PCDHA7: variants seen among roughly 807,000 people sequenced by gnomAD.
PCDHA7 encodes the protein protocadherin alpha 7.
Under a neutral mutation model 57.2 loss-of-function variants are expected in PCDHA7, and 37 were observed. The observed-to-expected ratio is 0.65, with a 90% CI of 0.50 to 0.85. PCDHA7 has a LOEUF of 0.85. PCDHA7 is among the 40% of genes least tolerant of loss of function. The pLI is 0.00. For missense variants in PCDHA7, 1,188 were observed against 1,241.8 expected, an observed-to-expected ratio of 0.96 and a Z score of 0.65; for synonymous variants, 553 against 558.8, an observed-to-expected ratio of 0.99 and a Z score of 0.15.
At chr5:140,980,852 T>G (rs1233523507) in intron 2 of PCDHA7, among the ~76,000 whole-genome samples, 5 of 152,184 alleles carry the variant, frequency 3.3e-5, no homozygotes, top group African/African-American at 1.2e-4. Flanking sequence ...TACTAATCTT[T>G]TTCGTATGTG....
intron 1 of PCDHA7, chr5:140,855,960 T>A (rs933070909): frequency 4.3e-6 from 6 of 1,398,506 alleles, no homozygotes; most frequent in East Asian, 2.3e-5. Flanking sequence ...CGATAAAAAA[T>A]AGATATAAGA....
At chr5:140,846,948 CA>C (rs1554141582) in intron 1 of PCDHA7, among the ~76,000 whole-genome samples, 1 of 149,468 alleles carries the variant, frequency 6.7e-6, no homozygotes, top group East Asian at 1.9e-4. Flanking sequence ...CTTGAAGGGG[CA>C]TGGTGTGTTT....
chr5:140,858,651 T>A, intron 1 of PCDHA7: 1 of 830,780 alleles, frequency 1.2e-6, no homozygotes, highest in Non-Finnish European at 1.8e-6. Context: ...GTACTTAAAT[T>A]TTTTTAAATA....
At chr5:140,971,322 A>G (rs1344853773) in intron 1 of PCDHA7, among the ~76,000 whole-genome samples, 6 of 152,224 alleles carry the variant, frequency 3.9e-5, no homozygotes, top group Admixed American at 3.9e-4. Context: ...TCTAGGGAGA[A>G]AATTATTTCA....
intron 1 of PCDHA7, among the ~76,000 whole-genome samples, chr5:140,917,244 C>T (rs891511496): frequency 1.9e-4 from 29 of 149,864 alleles, no homozygotes; most frequent in Non-Finnish European, 3.0e-4. Flanking sequence ...CTAGGTACTA[C>T]GATTGCTCAC....
chr5:140,899,253 A>T (rs1340284203), intron 1 of PCDHA7, among the ~76,000 whole-genome samples: 1 of 152,284 alleles, frequency 6.6e-6, no homozygotes, highest in East Asian at 1.9e-4. Context: ...GAGAGAGGGC[A>T]TCCCTGTCTT....
rs199940622 is a variant in PCDHA7, at chr5:140,870,517, C to T, written c.2355+33779C>T. ...GAAGGAGAACAACCCACCAGGCTGCCACATCTTCACAGTGTCGGCGCGGGA... is the reference window on the plus strand; with the variant it reads ...GAAGGAGAACAACCCACCAGGCTGCTACATCTTCACAGTGTCGGCGCGGGA... On this transcript the variant is annotated intron_variant, in intron 1 of 3. Coordinates refer to ENST00000525929, the MANE Select transcript of PCDHA7 (RefSeq NM_018910.3). The T allele has an allele frequency of 6.8e-6, 11 of 1,614,224 alleles. No homozygotes were observed. Among genetic ancestry groups the T allele is most frequent in the Non-Finnish European group, 9.3e-6 (11 of 1,180,048 alleles).
At chr5:140,927,940 C>T (rs1247043975) in intron 1 of PCDHA7, 1 of 1,614,108 alleles carries the variant, frequency 6.2e-7, no homozygotes, top group African/African-American at 1.3e-5. Flanking sequence ...GAACCCAGTA[C>T]CTGAGGACGC....
At chr5:140,976,403 TA>T (rs1469780321) in intron 1 of PCDHA7, among the ~76,000 whole-genome samples, 1 of 151,936 alleles carries the variant, frequency 6.6e-6, no homozygotes, top group Non-Finnish European at 1.5e-5. Flanking sequence ...ATTCAAAAAT[TA>T]GCCAGGTACG....
At position 140,857,911 on chromosome 5, in the gene PCDHA7, T is replaced by C. The variant is rs144216608; in HGVS notation, c.2355+21173T>C. On this transcript the variant is annotated intron_variant, in intron 1 of 3. Transcript: ENST00000525929. ...CGGCGGTTGGTGCACGCATCCCGTT[T>C]CGCGTGGGGCTGTACACGGGCGAGA... 4,248 of 1,597,856 alleles carry C rather than the reference T, an allele frequency of 2.7e-3. 342 individuals are homozygous for C. Among genetic ancestry groups the C allele is most frequent in the Middle Eastern group, 0.01 (61 of 5,986 alleles).
At chr5:140,874,185 G>A (rs551629220) in intron 1 of PCDHA7, among the ~76,000 whole-genome samples, 33 of 152,158 alleles carry the variant, frequency 2.2e-4, no homozygotes, top group Non-Finnish European at 4.6e-4. Context: ...TTGTAAAGGT[G>A]TCATATTTCA....
Position 141,011,476 on chromosome 5 carries a change from A to G in PCDHA7, c.*1539A>G, listed in dbSNP as rs2098420741. On this transcript the variant is annotated 3_prime_UTR_variant, in exon 4 of 4. Coordinates refer to ENST00000525929, the MANE Select transcript of PCDHA7 (RefSeq NM_018910.3). ...CTTTATTGTTGAATGTAATTCCATT[A>G]TATTTCCTTTTGTACACCTGTGAAA... 1 of 153,776 alleles carries G rather than the reference A, an allele frequency of 6.5e-6. No homozygotes were observed. 9.5% of individuals were successfully genotyped at this position (153,776 alleles called of 1,614,324 possible). A position where few individuals can be genotyped will look rare whatever the true frequency, so the allele number is the denominator to read the frequency against.
chr5:140,959,578 A>G (rs1554224156), intron 1 of PCDHA7, among the ~76,000 whole-genome samples: 1 of 152,188 alleles, frequency 6.6e-6, no homozygotes, highest in Non-Finnish European at 1.5e-5. Flanking sequence ...TTTTGTTTCA[A>G]TTCTATCAGC....
intron 1 of PCDHA7, among the ~76,000 whole-genome samples, chr5:140,941,207 CT>C (rs880001940): frequency 0.13 from 13,079 of 103,138 alleles, 665 homozygotes; most frequent in African/African-American, 0.21. Context: ...TTCTTCCTTT[CT>C]TTCTTCCTTT....
At chr5:140,846,064 C>T (rs2150218418) in intron 1 of PCDHA7, among the ~76,000 whole-genome samples, 1 of 149,696 alleles carries the variant, frequency 6.7e-6, no homozygotes, top group East Asian at 1.9e-4. Flanking sequence ...TGTGGGAAAA[C>T]AGTTTTTTGG....
intron 3 of PCDHA7, among the ~76,000 whole-genome samples, chr5:140,991,017 C>G (rs1440489095): frequency 6.6e-6 from 1 of 152,178 alleles, no homozygotes; most frequent in Non-Finnish European, 1.5e-5. Context: ...GTGATAAGCA[C>G]TTTACATATG....
chr5:140,849,573 A>T, intron 1 of PCDHA7: 1 of 1,598,648 alleles, frequency 6.3e-7, no homozygotes. Flanking sequence ...GGTTCCTGTA[A>T]AAGAGGACGC....
At position 140,846,335 on chromosome 5, in the gene PCDHA7, T is replaced by C. The variant is rs2150387066; in HGVS notation, c.2355+9597T>C. On this transcript the variant is annotated intron_variant, in intron 1 of 3. Transcript: ENST00000525929. The stretch of plus-strand genomic sequence containing the variant: ...ATGTAGAGTGTTGTAAATAGCCTTT[T>C]AAAGTGCTTTCTCTTTTTTCTTTTC... Among the ~76,000 whole-genome samples, 8 of 148,836 alleles carry C rather than the reference T, an allele frequency of 5.4e-5. 1 individual carries two copies. Among genetic ancestry groups the C allele is most frequent in the African/African-American group, 2.0e-4 (8 of 40,850 alleles).
intron 1 of PCDHA7, chr5:140,857,713 G>A (rs903592431): frequency 5.6e-6 from 9 of 1,597,320 alleles, no homozygotes; most frequent in Non-Finnish European, 7.7e-6. Flanking sequence ...TGTTCGTGCT[G>A]GACGAGAACG....
Sources: gnomAD v4.1 joint callset for allele counts (sites outside exome capture counted in the v4.1 genomes callset) on GRCh38, gnomAD v4.1.1 for gene constraint, MANE v1.5 for transcripts, NCBI Gene and HGNC (gene_info 2026-07-23, HGNC 2026-07-21) for gene names.